Variants in ABRA observed in about 807,000 individuals in gnomAD.
ABRA encodes actin binding Rho activating protein, also known as actin-binding Rho-activating protein.
ABRA carries 25 observed loss-of-function variants against 33.4 expected under a neutral mutation model. The ratio of observed to expected loss-of-function variants is 0.75; its 90% CI spans 0.55 to 1.04. ABRA has a LOEUF of 1.04. ABRA is among the 50% of genes least tolerant of loss of function. ABRA has a pLI of 0.00. For missense variants in ABRA, 501 were observed against 491.7 expected (o/e 1.02, Z -0.18); for synonymous variants, 193 against 176.8 (o/e 1.09, Z -0.73).
chr8:106,760,989 T>C lies in ABRA; in HGVS notation c.*48A>G. On this transcript the variant is annotated 3_prime_UTR_variant, in exon 2 of 2. Coordinates refer to ENST00000311955, the MANE Select transcript of ABRA (RefSeq NM_139166.5). ...TTTTCATTTTACCTACATGAGCATT[T>C]AGCATTAAGACCATAGTGGGCCAAA... 1 of 1,507,054 alleles carries C rather than the reference T, an allele frequency of 6.6e-7. No individual in the cohort carries two copies. Among genetic ancestry groups the C allele is most frequent in the Non-Finnish European group, 9.1e-7 (1 of 1,098,016 alleles). The allele number at this position is 1,507,054 out of a possible 1,614,324, so 93.4% of individuals were successfully genotyped here. A position where few individuals can be genotyped will look rare whatever the true frequency, so the allele number is the denominator to read the frequency against.
At position 106,760,687 on chromosome 8, in the gene ABRA, T is replaced by C. The variant is rs1285593936; in HGVS notation, c.*350A>G. 1.0e-5 allele frequency: 2 copies of C among 199,688 alleles called. No individual in the cohort carries two copies. The highest frequency in any genetic ancestry group is 4.7e-5 in the African/African-American group (2 of 42,694). The allele number at this position is 199,688 out of a possible 1,614,324, so 12.4% of individuals were successfully genotyped here. A position where few individuals can be genotyped will look rare whatever the true frequency, so the allele number is the denominator to read the frequency against. ...TGCTCATGCCTATAATCCCAGCTACTTGGGAGGCTGAGGTGAGAGGATCAC... is the reference window on the plus strand; with the variant it reads ...TGCTCATGCCTATAATCCCAGCTACCTGGGAGGCTGAGGTGAGAGGATCAC... On this transcript the variant is annotated 3_prime_UTR_variant, in exon 2 of 2. Transcript: ENST00000311955.
chr8:106,760,276 G>C lies in ABRA; in HGVS notation c.*761C>G, dbSNP rs899962231. On this transcript the variant is annotated 3_prime_UTR_variant, in exon 2 of 2. Transcript: ENST00000311955. Reference sequence around the variant, plus strand: ...TCCTTTGTTGGTACTAAGACAGGAAGTGTCTGTTTTTATGTGATTTGCTGA... The same window carrying C: ...TCCTTTGTTGGTACTAAGACAGGAACTGTCTGTTTTTATGTGATTTGCTGA... 6.6e-6 allele frequency: 1 copy of C among 152,214 alleles called. No homozygotes were observed. Among genetic ancestry groups the C allele is most frequent in the Admixed American group, 6.5e-5 (1 of 15,286 alleles). The allele number at this position is 152,214 out of a possible 1,614,324, so 9.4% of individuals were successfully genotyped here. A position where few individuals can be genotyped will look rare whatever the true frequency, so the allele number is the denominator to read the frequency against.
rs775354635 is a variant in ABRA at position 106,761,452 on chromosome 8, T to C, written c.731A>G (p.Asn244Ser). ...KAQQKYSPVG[N>S]LKGRWQQWAD... ...CCACTGCTGCCATCTCCCTTTCAAG[T>C]TGCCCACTGGGCTATATTTCTGTTG... Residue 244 changes from asparagine (N) to serine (S), a missense_variant, in exon 2 of 2, where the codon AAC (asparagine) becomes AGC (serine). Transcript: ENST00000311955. The C allele has an allele frequency of 3.9e-5, 63 of 1,614,150 alleles. No homozygotes were observed. The highest frequency in any genetic ancestry group is 5.3e-5 in the Non-Finnish European group (62 of 1,180,054).
intron 1 of ABRA, among the ~76,000 whole-genome samples, chr8:106,768,017 C>T (rs374097565): frequency 1.3e-5 from 2 of 151,302 alleles, no homozygotes; most frequent in Non-Finnish European, 2.9e-5. Context: ...ATCACTTGAA[C>T]TCAGGAGATG....
chr8:106,769,575 G>T lies in ABRA; in HGVS notation c.616C>A (p.Gln206Lys). The T allele has an allele frequency of 1.2e-6, 2 of 1,614,158 alleles. No homozygotes were observed. Among genetic ancestry groups the T allele is most frequent in the Non-Finnish European group, 1.7e-6 (2 of 1,180,026 alleles). Residue 206 changes from glutamine to lysine, a missense_variant, in exon 1 of 2, where the codon CAG (glutamine) becomes AAG (lysine). Physicochemically the swap from Gln to Lys is moderately conservative, Grantham distance 53. Transcript: ENST00000311955. The stretch of plus-strand genomic sequence containing the variant: ...ACCACAGCCACCTGCACTCCATCCT[G>T]CTCGGGCCTCTCCTCAGCCTCTCCT... ...YGGEAEERPE[Q>K]DGVQVAVVRI...
chr8:106,769,977 G>GT lies in ABRA; in HGVS notation c.213dup (p.His72ThrfsTer29). 6.2e-7 allele frequency: 1 copy of GT among 1,613,968 alleles called. No individual in the cohort carries two copies. Among genetic ancestry groups the GT allele is most frequent in the Non-Finnish European group, 8.5e-7 (1 of 1,179,998 alleles). ...TTTGGGGCACTCTGAGCTTTCTGGT[G>GT]TGAAGTAGGGGGTGTGATTGGTTTA... On this transcript the variant is annotated frameshift_variant, in exon 1 of 2. Transcript: ENST00000311955. LOFTEE classifies it high-confidence loss of function.
At position 106,770,220 on chromosome 8, in the gene ABRA, C is replaced by A; in HGVS notation, c.-30G>T. Reference sequence around the variant, plus strand: ...CCCACCTGTCTTTCTCTGCTGATAGCCTGGACACTGGCTAAAATGAGTGTG... The same window carrying A: ...CCCACCTGTCTTTCTCTGCTGATAGACTGGACACTGGCTAAAATGAGTGTG... On this transcript the variant is annotated 5_prime_UTR_variant, in exon 1 of 2. Coordinates refer to ENST00000311955, the MANE Select transcript of ABRA (RefSeq NM_139166.5). 2 of 1,577,384 alleles carry A rather than the reference C, an allele frequency of 1.3e-6. No individual in the cohort carries two copies. The highest frequency in any genetic ancestry group is 1.7e-6 in the Non-Finnish European group (2 of 1,168,274).
In ABRA at chr8:106,769,965, G is replaced by A. The variant is rs767056599; in HGVS notation, c.226C>T (p.Gln76Ter). Residue 76 changes from glutamine (Q) to a stop codon, truncating the protein, a stop_gained, in exon 1 of 2, where the codon CAG becomes TAG. Transcript: ENST00000311955. LOFTEE classifies it high-confidence loss of function. Reference protein sequence around the residue: ...ITPPTSHQKAQSAPKSPPRLP... With the variant: ...ITPPTSHQKA Reference sequence around the variant, plus strand: ...CGGGGTGGCGACTTTGGGGCACTCTGAGCTTTCTGGTGTGAAGTAGGGGGT... The same window carrying A: ...CGGGGTGGCGACTTTGGGGCACTCTAAGCTTTCTGGTGTGAAGTAGGGGGT... 3.1e-6 allele frequency: 5 copies of A among 1,613,948 alleles called. No homozygotes were observed. Among genetic ancestry groups the A allele is most frequent in the Non-Finnish European group, 3.4e-6 (4 of 1,179,984 alleles).
At chr8:106,766,226 A>G (rs1246162759) in intron 1 of ABRA, among the ~76,000 whole-genome samples, 1 of 152,206 alleles carries the variant, frequency 6.6e-6, no homozygotes, top group East Asian at 1.9e-4. Context: ...AAGACTGAAT[A>G]TTTTTAAAGC....
chr8:106,760,793 A>C lies in ABRA; in HGVS notation c.*244T>G. ...AACAAAAACAAAAACACCCTGTGGA[A>C]TTTCAACTATTAATACTATTATTAT... On this transcript the variant is annotated 3_prime_UTR_variant, in exon 2 of 2. Coordinates refer to ENST00000311955, the MANE Select transcript of ABRA (RefSeq NM_139166.5). 2.2e-6 allele frequency: 1 copy of C among 450,632 alleles called. No homozygotes were observed. The highest frequency in any genetic ancestry group is 3.9e-6 in the Non-Finnish European group (1 of 255,052). 27.9% of individuals were successfully genotyped at this position (450,632 alleles called of 1,614,324 possible).
At chr8:106,761,554 G>A (rs1378650835) in intron 1 of ABRA, 40 bp from the exon 2 acceptor site, 20 of 1,523,712 alleles carry the variant, frequency 1.3e-5, no homozygotes, top group Non-Finnish European at 1.6e-5. Context: ...ATTCAGATAT[G>A]TTAACACCGA....
chr8:106,765,247 G>A (rs73294501), intron 1 of ABRA, among the ~76,000 whole-genome samples: 3,541 of 152,058 alleles, frequency 0.023, 147 homozygotes, highest in African/African-American at 0.08. Flanking sequence ...CTGGTGGCAC[G>A]TGTCTATAGT....
At position 106,761,367 on chromosome 8, in the gene ABRA, C is replaced by T. The variant is rs200451420; in HGVS notation, c.816G>A (p.Glu272=). The T allele has an allele frequency of 1.4e-4, 219 of 1,614,000 alleles. No individual in the cohort carries two copies. The highest frequency in any genetic ancestry group is 1.6e-4 in the Non-Finnish European group (185 of 1,180,046). ...TGTGTAGGCGGGTGGACATGGCCAG[C>T]TCGTAATCAAACTCTTCACTGAAAG... is the stretch of plus-strand genomic sequence containing the variant. ...LNPFSEEFDY[E]LAMSTRLHKG... Residue 272 remains glutamate, a synonymous_variant, in exon 2 of 2, where the codon GAG becomes GAA. Transcript: ENST00000311955.
In ABRA at chr8:106,769,975, G is replaced by A; in HGVS notation, c.216C>T (p.His72=). 1.2e-6 allele frequency: 2 copies of A among 1,613,888 alleles called. No individual in the cohort carries two copies. The highest frequency in any genetic ancestry group is 1.7e-6 in the Non-Finnish European group (2 of 1,179,978). The change falls in exon 1 of 2, where the codon CAC becomes CAT. Residue 72 remains histidine (H), a synonymous_variant. Coordinates refer to ENST00000311955, the MANE Select transcript of ABRA (RefSeq NM_139166.5). The part of the protein sequence containing the change: ...APKPITPPTS[H]QKAQSAPKSP... ...ACTTTGGGGCACTCTGAGCTTTCTG[G>A]TGTGAAGTAGGGGGTGTGATTGGTT...
rs1249314477 is a variant in ABRA, at chr8:106,770,098, T to A, written c.93A>T (p.Arg31=). The change falls in exon 1 of 2, where the codon CGA becomes CGT. Residue 31 remains arginine (R), a synonymous_variant. Transcript: ENST00000311955. ...TCTCATTCGCCCACTGCTGCCAACC[T>A]CGGGCCAAGCTGATGACCAGGGTGG... ...RTATLVISLA[R]GWQQWANENS... is the part of the protein sequence containing the mutation. The A allele has an allele frequency of 6.2e-7, 1 of 1,613,820 alleles. No homozygotes were observed. The highest frequency in any genetic ancestry group is 8.5e-7 in the Non-Finnish European group (1 of 1,179,834).
intron 1 of ABRA, among the ~76,000 whole-genome samples, chr8:106,764,600 C>T (rs759145163): frequency 2.0e-5 from 3 of 151,978 alleles, no homozygotes; most frequent in Non-Finnish European, 4.4e-5. Flanking sequence ...TGCAGTGAGC[C>T]GAGATGGTGT....
At chr8:106,763,418 C>A (rs1432036212) in intron 1 of ABRA, among the ~76,000 whole-genome samples, 1 of 152,142 alleles carries the variant, frequency 6.6e-6, no homozygotes, top group African/African-American at 2.4e-5. Flanking sequence ...CACACAAAAA[C>A]CATATACACA....
At chr8:106,766,936 C>T (rs186277412) in intron 1 of ABRA, among the ~76,000 whole-genome samples, 7 of 152,318 alleles carry the variant, frequency 4.6e-5, no homozygotes, top group South Asian at 4.1e-4. Context: ...TTATTCCAAG[C>T]GTAGGCATTT....
chr8:106,768,673 G>A (rs1275514321), intron 1 of ABRA, among the ~76,000 whole-genome samples: 1 of 152,076 alleles, frequency 6.6e-6, no homozygotes, highest in African/African-American at 2.4e-5. Context: ...TTGCTGTGTT[G>A]CCCAGGCTGG....
Sources: allele counts gnomAD v4.1 joint callset (sites outside exome capture counted in the v4.1 genomes callset), GRCh38; gene constraint gnomAD v4.1.1; transcripts MANE v1.5; gene names NCBI Gene and HGNC (gene_info 2026-07-23, HGNC 2026-07-21).